Variants in INPP4A observed in about 807,000 individuals in gnomAD.
INPP4A encodes inositol polyphosphate-4-phosphatase, type I, 107kD.
INPP4A carries 33 observed loss-of-function variants against 119.8 expected under a neutral mutation model. The ratio of observed to expected loss-of-function variants is 0.28; its 90% CI spans 0.21 to 0.37. The LOEUF is 0.37. Among genes scored for constraint, INPP4A ranks in the 10% least tolerant of loss-of-function variants. The pLI, the probability that INPP4A is intolerant of heterozygous loss-of-function variation, is 1.00. For synonymous variants in INPP4A, 496 were observed against 500.7 expected (o/e 0.99, Z 0.12); for missense variants, 956 against 1,289.9 (o/e 0.74, Z 3.97).
At chr2:98,500,558 A>T (rs914058769) in intron 1 of INPP4A, among the ~76,000 whole-genome samples, 2 of 152,078 alleles carry the variant, frequency 1.3e-5, no homozygotes, top group Non-Finnish European at 2.9e-5. Flanking sequence ...TGGTGGGGGG[A>T]GATTGGGCTC....
At chr2:98,505,716 G>A (rs1363409907) in intron 1 of INPP4A, among the ~76,000 whole-genome samples, 1 of 152,178 alleles carries the variant, frequency 6.6e-6, no homozygotes, top group Non-Finnish European at 1.5e-5. Flanking sequence ...ACAGACGCCT[G>A]GGCTTGAGTT....
chr2:98,579,821 C>A (rs1043604210), intron 24 of INPP4A, among the ~76,000 whole-genome samples: 3 of 152,208 alleles, frequency 2.0e-5, no homozygotes, highest in Non-Finnish European at 2.9e-5. Flanking sequence ...TTTCTGAAAT[C>A]TCTACAGTGA....
At chr2:98,484,473 C>T (rs1024329216) in intron 1 of INPP4A, among the ~76,000 whole-genome samples, 2 of 152,120 alleles carry the variant, frequency 1.3e-5, no homozygotes, top group Non-Finnish European at 2.9e-5. Flanking sequence ...GGGTGGGAAG[C>T]CATGCACAGG....
intron 15 of INPP4A, among the ~76,000 whole-genome samples, chr2:98,555,328 C>G (rs1694257485): frequency 6.6e-6 from 1 of 152,258 alleles, no homozygotes; most frequent in Non-Finnish European, 1.5e-5. Context: ...TAGCAAACAT[C>G]TCCCAAACTC....
At chr2:98,530,717 T>C (rs1033652687) in intron 4 of INPP4A, among the ~76,000 whole-genome samples, 4 of 152,046 alleles carry the variant, frequency 2.6e-5, no homozygotes, top group Admixed American at 6.5e-5. Flanking sequence ...CTCAGAAACA[T>C]GAGGAGATAA....
chr2:98,501,490 C>T (rs1337657316), intron 1 of INPP4A, among the ~76,000 whole-genome samples: 1 of 152,198 alleles, frequency 6.6e-6, no homozygotes, highest in Non-Finnish European at 1.5e-5. Context: ...TGCCCCTTTC[C>T]AGCCTTGCTG....
intron 4 of INPP4A, among the ~76,000 whole-genome samples, chr2:98,527,133 T>C (rs1688329894): frequency 6.6e-6 from 1 of 152,330 alleles, no homozygotes; most frequent in African/African-American, 2.4e-5. Flanking sequence ...GTCCTCTCTC[T>C]AGCTCCAAGT....
At chr2:98,510,965 G>T (rs1416856914) in intron 1 of INPP4A, among the ~76,000 whole-genome samples, 1 of 152,228 alleles carries the variant, frequency 6.6e-6, no homozygotes. Flanking sequence ...ATCTCCCAGT[G>T]AGCACAAGCT....
In INPP4A at chr2:98,540,596, C is replaced by T. The variant is rs78834504; in HGVS notation, c.818+921C>T. On this transcript the variant is annotated intron_variant, in intron 10 of 24. Coordinates refer to ENST00000409851, the MANE Select transcript of INPP4A (RefSeq NM_001134225.2). Reference sequence around the variant, plus strand: ...AGTATTTGACTCAAGGTTCTGGAAACTGGGAAGTCCAAAAGCATGGTACTG... The same window carrying T: ...AGTATTTGACTCAAGGTTCTGGAAATTGGGAAGTCCAAAAGCATGGTACTG... 3.1e-4 allele frequency among the ~76,000 whole-genome samples: 47 copies of T among 152,324 alleles called. 2 individuals are homozygous for T. In the East Asian group the frequency reaches 8.9e-3, roughly 29 times the overall value.
intron 1 of INPP4A, among the ~76,000 whole-genome samples, chr2:98,466,218 G>A (rs951988599): frequency 1.3e-5 from 2 of 152,120 alleles, no homozygotes; most frequent in African/African-American, 4.8e-5. Context: ...GCTAATTTTT[G>A]TATTTTTAAT....
At chr2:98,555,885 T>A (rs1396063956) in intron 16 of INPP4A, 77 bp downstream of exon 16, 1 of 1,463,552 alleles carries the variant, frequency 6.8e-7, no homozygotes, top group Non-Finnish European at 9.2e-7. Context: ...TGTCTCTGAC[T>A]CCATGCCCTC....
chr2:98,461,738 CA>C (rs1394381882), intron 1 of INPP4A, among the ~76,000 whole-genome samples: 1 of 152,182 alleles, frequency 6.6e-6, no homozygotes, highest in Non-Finnish European at 1.5e-5. Context: ...AGACATGAGA[CA>C]GTTTTCCACA....
chr2:98,574,308 T>C (rs1470314447), intron 23 of INPP4A, among the ~76,000 whole-genome samples: 1 of 152,052 alleles, frequency 6.6e-6, no homozygotes. Context: ...TAAGAGATTT[T>C]GTGTGAAAAG....
In INPP4A at chr2:98,546,799, G is replaced by C. The variant is rs923371146; in HGVS notation, c.1163+105G>C. On this transcript the variant is annotated intron_variant, in intron 13 of 24. Transcript: ENST00000409851. The surrounding 1 kb of genome is among the most constrained non-coding windows in gnomAD (Gnocchi z 4.2). ...TGACCGCAAAAACACCCAGCCATCT[G>C]ATCTGCTTTTGCGTGGCAGGAGGAT... is the stretch of plus-strand genomic sequence containing the variant. 1.0e-4 allele frequency: 76 copies of C among 733,488 alleles called. No individual in the cohort carries two copies. Among genetic ancestry groups the C allele is most frequent in the Admixed American group, 8.7e-5 (4 of 46,220 alleles). The allele number at this position is 733,488 out of a possible 1,614,324, so 45.4% of individuals were successfully genotyped here.
chr2:98,493,082 T>C (rs1424488169), intron 1 of INPP4A, among the ~76,000 whole-genome samples: 2 of 152,202 alleles, frequency 1.3e-5, no homozygotes, highest in African/African-American at 4.8e-5. Context: ...TCACATTTCC[T>C]CCTTAATTTG....
chr2:98,470,636 G>A (rs149124605), intron 1 of INPP4A, among the ~76,000 whole-genome samples: 1 of 152,192 alleles, frequency 6.6e-6, no homozygotes, highest in East Asian at 1.9e-4. Flanking sequence ...GGGCCATGTT[G>A]CAGGAGGAGC....
At chr2:98,584,873 A>G (rs1242025282) in intron 24 of INPP4A, among the ~76,000 whole-genome samples, 1 of 152,268 alleles carries the variant, frequency 6.6e-6, no homozygotes, top group African/African-American at 2.4e-5. Context: ...CCAAATACGT[A>G]TGCAAAATCT....
At position 98,539,034 on chromosome 2, in the gene INPP4A, G is replaced by A. The variant is rs575794820; in HGVS notation, c.670+53G>A. 1.6e-5 allele frequency: 17 copies of A among 1,065,520 alleles called. No individual in the cohort carries two copies. In the African/African-American group the frequency reaches 2.5e-4, roughly 16 times the overall value. The allele number at this position is 1,065,520 out of a possible 1,614,324, so 66.0% of individuals were successfully genotyped here. A position where few individuals can be genotyped will look rare whatever the true frequency, so the allele number is the denominator to read the frequency against. On this transcript the variant is annotated intron_variant, in intron 9 of 24. Coordinates refer to ENST00000409851, the MANE Select transcript of INPP4A (RefSeq NM_001134225.2). ...TGCCTCTCTAGTGAGTATCCACTTG[G>A]GCCCGCAGTCCCCTTTGCTCCCCAC... is the stretch of plus-strand genomic sequence containing the variant.
chr2:98,563,827 C>T (rs1434185466), intron 18 of INPP4A, among the ~76,000 whole-genome samples, 190 bp downstream of exon 18: 1 of 152,128 alleles, frequency 6.6e-6, no homozygotes, highest in African/African-American at 2.4e-5. Flanking sequence ...ACTACCTTGG[C>T]AGCCCATGCT....
Sources: allele counts gnomAD v4.1 joint callset (sites outside exome capture counted in the v4.1 genomes callset), GRCh38; gene constraint gnomAD v4.1.1; non-coding constraint Gnocchi (gnomAD v3.1); transcripts MANE v1.5; gene names NCBI Gene and HGNC (gene_info 2026-07-23, HGNC 2026-07-21).